RFTN1: variants seen among roughly 807,000 people sequenced by gnomAD.
RFTN1 encodes the protein raftlin.
In RFTN1, 26 loss-of-function variants were observed where a neutral mutation model predicts 46.5. That is an observed-to-expected ratio of 0.56 (90% CI 0.41 to 0.78). RFTN1 has a LOEUF of 0.78. RFTN1 is among the 30% of genes least tolerant of loss of function. RFTN1 has a pLI of 0.00. For missense variants in RFTN1, 693 were observed against 718.7 expected (o/e 0.96, Z 0.41); for synonymous variants, 261 against 284.2 (o/e 0.92, Z 0.82).
In RFTN1 at chr3:16,383,571, T is replaced by G. The variant is rs2074065012; in HGVS notation, c.442-5469A>C. ...ATTTTTATTAAAAATAATATGACAT[T>G]AGATTTCTAGGATGGATTGTCTGTT... On this transcript the variant is annotated intron_variant, in intron 4 of 9. Coordinates refer to ENST00000334133, the MANE Select transcript of RFTN1 (RefSeq NM_015150.2). This position sits in a 1 kb window ranked among gnomAD's most constrained non-coding sequence, Gnocchi z 4.0. Among the ~76,000 whole-genome samples, 1 of 152,250 alleles carries G rather than the reference T, an allele frequency of 6.6e-6. No homozygotes were observed. Among genetic ancestry groups the G allele is most frequent in the Non-Finnish European group, 1.5e-5 (1 of 68,052 alleles).
chr3:16,383,651 T>A lies in RFTN1; in HGVS notation c.442-5549A>T, dbSNP rs1313820539. ...AATGATAAGTGCGATATATACTCTA[T>A]GTGCATGCGAATATACGTATTTGTG... is the stretch of plus-strand genomic sequence containing the variant. On this transcript the variant is annotated intron_variant, in intron 4 of 9. Coordinates refer to ENST00000334133, the MANE Select transcript of RFTN1 (RefSeq NM_015150.2). The surrounding 1 kb of genome is among the most constrained non-coding windows in gnomAD (Gnocchi z 4.0). Among the ~76,000 whole-genome samples, 1 of 152,236 alleles carries A rather than the reference T, an allele frequency of 6.6e-6. No homozygotes were observed. Among genetic ancestry groups the A allele is most frequent in the Non-Finnish European group, 1.5e-5 (1 of 68,048 alleles).
chr3:16,324,035 C>T (rs892415098), intron 8 of RFTN1, among the ~76,000 whole-genome samples: 1 of 152,194 alleles, frequency 6.6e-6, no homozygotes, highest in African/African-American at 2.4e-5. Flanking sequence ...ACAGTGAATT[C>T]TCTCTTCCCA....
chr3:16,411,962 C>G (rs529947438), intron 3 of RFTN1, among the ~76,000 whole-genome samples: 1 of 152,188 alleles, frequency 6.6e-6, no homozygotes, highest in Non-Finnish European at 1.5e-5. Context: ...CAGATCGATT[C>G]TAGGGAATAA....
rs1388865010 is a variant in RFTN1, at chr3:16,450,062, C to T, written c.146-16025G>A. 2.6e-5 allele frequency among the ~76,000 whole-genome samples: 4 copies of T among 152,302 alleles called. No individual in the cohort carries two copies. The highest frequency in any genetic ancestry group is 6.5e-5 in the Admixed American group (1 of 15,294). ...GCAAAGGCAGAAGACATGTCACCCCCATCCTGACCACTCTCCATGCCTGTC... is the reference window on the plus strand; with the variant it reads ...GCAAAGGCAGAAGACATGTCACCCCTATCCTGACCACTCTCCATGCCTGTC... On this transcript the variant is annotated intron_variant, in intron 2 of 9. Coordinates refer to ENST00000334133, the MANE Select transcript of RFTN1 (RefSeq NM_015150.2). This position sits in a 1 kb window ranked among gnomAD's most constrained non-coding sequence, Gnocchi z 4.6.
chr3:16,383,867 A>C lies in RFTN1; in HGVS notation c.442-5765T>G, dbSNP rs1435009899. On this transcript the variant is annotated intron_variant, in intron 4 of 9. Transcript: ENST00000334133. This position sits in a 1 kb window ranked among gnomAD's most constrained non-coding sequence, Gnocchi z 4.0. ...TGGGTAAAGAGTCAGAGACACTTCC[A>C]AGACTGTTTTGTCTGACTCTAAGGA... Among the ~76,000 whole-genome samples, 2 of 152,210 alleles carry C rather than the reference A, an allele frequency of 1.3e-5. No homozygotes were observed. The highest frequency in any genetic ancestry group is 4.8e-5 in the African/African-American group (2 of 41,458).
rs1469665663 is a variant in RFTN1, at chr3:16,317,522, A to G, written c.1333-290T>C. ...CTGGCTCTATACCAAAGGCCCACAT[A>G]GGAAAGGGCTCCTAAAGTCCTATCA... On this transcript the variant is annotated intron_variant, in intron 9 of 9. Coordinates refer to ENST00000334133, the MANE Select transcript of RFTN1 (RefSeq NM_015150.2). This position sits in a 1 kb window ranked among gnomAD's most constrained non-coding sequence, Gnocchi z 4.3. 2.6e-5 allele frequency among the ~76,000 whole-genome samples: 4 copies of G among 152,178 alleles called. No homozygotes were observed.
rs1033313721 is a variant in RFTN1 at position 16,336,090 on chromosome 3, G to C, written c.1147-9214C>G. ...TGGAGATCTAGAGGCAGGGTGGACAGGAATGCCAAGACAGAAAGAAGGGCC... is the reference window on the plus strand; with the variant it reads ...TGGAGATCTAGAGGCAGGGTGGACACGAATGCCAAGACAGAAAGAAGGGCC... On this transcript the variant is annotated intron_variant, in intron 7 of 9. Coordinates refer to ENST00000334133, the MANE Select transcript of RFTN1 (RefSeq NM_015150.2). The surrounding 1 kb of genome is among the most constrained non-coding windows in gnomAD (Gnocchi z 6.0). Among the ~76,000 whole-genome samples the C allele has an allele frequency of 6.6e-6, 1 of 152,116 alleles. No homozygotes were observed. The highest frequency in any genetic ancestry group is 1.5e-5 in the Non-Finnish European group (1 of 68,012).
chr3:16,405,617 T>C (rs1325206597), intron 4 of RFTN1, among the ~76,000 whole-genome samples: 2 of 152,214 alleles, frequency 1.3e-5, no homozygotes, highest in Non-Finnish European at 2.9e-5. Context: ...GACTTTACTT[T>C]TCCTAATTGT....
At position 16,418,872 on chromosome 3, in the gene RFTN1, A is replaced by ACTGCCCTCAAGTCTAGATC. The variant is rs957894795; in HGVS notation, c.333-9408_333-9390dup. On this transcript the variant is annotated intron_variant, in intron 3 of 9. Transcript: ENST00000334133. This position sits in a 1 kb window ranked among gnomAD's most constrained non-coding sequence, Gnocchi z 5.0. Reference sequence around the variant, plus strand: ...TGACCACATATGAGGGATTGAAGGCACTGCCCTCAAGTCTAGATCCTGCCC... The same window carrying ACTGCCCTCAAGTCTAGATC: ...TGACCACATATGAGGGATTGAAGGCACTGCCCTCAAGTCTAGATCCTGCCCTCAAGTCTAGATCCTGCCC... Among the ~76,000 whole-genome samples, 1 of 152,184 alleles carries ACTGCCCTCAAGTCTAGATC rather than the reference A, an allele frequency of 6.6e-6. No homozygotes were observed. Among genetic ancestry groups the ACTGCCCTCAAGTCTAGATC allele is most frequent in the African/African-American group, 2.4e-5 (1 of 41,436 alleles).
rs1054574478 is a variant in RFTN1, at chr3:16,433,113, T to G, written c.332+738A>C. 6.6e-6 allele frequency among the ~76,000 whole-genome samples: 1 copy of G among 152,120 alleles called. No homozygotes were observed. Among genetic ancestry groups the G allele is most frequent in the African/African-American group, 2.4e-5 (1 of 41,432 alleles). On this transcript the variant is annotated intron_variant, in intron 3 of 9. Coordinates refer to ENST00000334133, the MANE Select transcript of RFTN1 (RefSeq NM_015150.2). The surrounding 1 kb of genome is among the most constrained non-coding windows in gnomAD (Gnocchi z 4.4). ...CTGATTTCCTTTCCCAGACTTCATT[T>G]TAATTTTTATTTTTATGAAAGCAGG...
Position 16,407,498 on chromosome 3 carries a change from C to T in RFTN1, c.441+1877G>A, listed in dbSNP as rs1476259644. On this transcript the variant is annotated intron_variant, in intron 4 of 9. Transcript: ENST00000334133. This position sits in a 1 kb window ranked among gnomAD's most constrained non-coding sequence, Gnocchi z 4.0. ...TGAGCCACTGTGCCCAGCCTCAAATCACATGTTTTTAAAAAGCATATTTGA... is the reference window on the plus strand; with the variant it reads ...TGAGCCACTGTGCCCAGCCTCAAATTACATGTTTTTAAAAAGCATATTTGA... 6.6e-6 allele frequency among the ~76,000 whole-genome samples: 1 copy of T among 152,132 alleles called. No individual in the cohort carries two copies. The highest frequency in any genetic ancestry group is 1.5e-5 in the Non-Finnish European group (1 of 68,026).
Position 16,336,714 on chromosome 3 carries a change from G to A in RFTN1, c.1147-9838C>T, listed in dbSNP as rs562795451. ...TCTTAGATGCAGAAAAGGGTCAGAG[G>A]AAAATACATGTAGTGCATAAAAAGC... On this transcript the variant is annotated intron_variant, in intron 7 of 9. Transcript: ENST00000334133. The surrounding 1 kb of genome is among the most constrained non-coding windows in gnomAD (Gnocchi z 6.0). Among the ~76,000 whole-genome samples the A allele has an allele frequency of 6.6e-6, 1 of 152,038 alleles. No individual in the cohort carries two copies. Among genetic ancestry groups the A allele is most frequent in the East Asian group, 1.9e-4 (1 of 5,178 alleles).
In RFTN1 at chr3:16,465,311, T is replaced by C. The variant is rs1433784813; in HGVS notation, c.145+28414A>G. Among the ~76,000 whole-genome samples the C allele has an allele frequency of 6.6e-6, 1 of 152,004 alleles. No homozygotes were observed. The highest frequency in any genetic ancestry group is 1.5e-5 in the Non-Finnish European group (1 of 68,028). On this transcript the variant is annotated intron_variant, in intron 2 of 9. Coordinates refer to ENST00000334133, the MANE Select transcript of RFTN1 (RefSeq NM_015150.2). The surrounding 1 kb of genome is among the most constrained non-coding windows in gnomAD (Gnocchi z 5.1). ...TAAGGAAGAAAAATGAGAAGTATCCTGAAGAATGTGTTCAATTTTTATCCA... is the reference window on the plus strand; with the variant it reads ...TAAGGAAGAAAAATGAGAAGTATCCCGAAGAATGTGTTCAATTTTTATCCA...
chr3:16,431,211 T>C (rs1196597694), intron 3 of RFTN1, among the ~76,000 whole-genome samples: 1 of 152,224 alleles, frequency 6.6e-6, no homozygotes, highest in Non-Finnish European at 1.5e-5. Context: ...TTCTGTGTTC[T>C]TTCTTACCTA....
rs1200300664 is a variant in RFTN1 at position 16,335,938 on chromosome 3, C to T, written c.1147-9062G>A. On this transcript the variant is annotated intron_variant, in intron 7 of 9. Coordinates refer to ENST00000334133, the MANE Select transcript of RFTN1 (RefSeq NM_015150.2). The surrounding 1 kb of genome is among the most constrained non-coding windows in gnomAD (Gnocchi z 4.7). ...GGCCGACAGCAAGGACTGGTGGCAG[C>T]TGCTAGTGCAGAGGAGGCAGAGCAT... 2.0e-5 allele frequency among the ~76,000 whole-genome samples: 3 copies of T among 152,250 alleles called. No homozygotes were observed. Among genetic ancestry groups the T allele is most frequent in the African/African-American group, 7.2e-5 (3 of 41,470 alleles).
At chr3:16,482,796 C>A in intron 2 of RFTN1, 1 of 1,536,162 alleles carries the variant, frequency 6.5e-7, no homozygotes, top group Non-Finnish European at 8.7e-7. Flanking sequence ...CTGCAGGGAT[C>A]CCCAGAGAGG....
chr3:16,453,794 A>G (rs1183146976), intron 2 of RFTN1, among the ~76,000 whole-genome samples: 4 of 152,264 alleles, frequency 2.6e-5, no homozygotes, highest in Non-Finnish European at 4.4e-5. Context: ...GGTATGATAC[A>G]AGAAAATAAA....
intron 2 of RFTN1, among the ~76,000 whole-genome samples, chr3:16,464,163 G>A (rs1290053794): frequency 1.1e-4 from 16 of 152,154 alleles, no homozygotes; most frequent in African/African-American, 3.9e-4. Flanking sequence ...TGCATTTCTG[G>A]CTCCTCAAGC....
Position 16,503,534 on chromosome 3 carries a change from T to C in RFTN1, c.-8-9657A>G, listed in dbSNP as rs532501171. ...CAGCCAGGGTTGAGCATCAGTGCTC[T>C]AGGAGCAAACCCAGTCTTTTCCCAC... On this transcript the variant is annotated intron_variant, in intron 1 of 9. Coordinates refer to ENST00000334133, the MANE Select transcript of RFTN1 (RefSeq NM_015150.2). Among the ~76,000 whole-genome samples the C allele has an allele frequency of 2.0e-5, 3 of 152,284 alleles. No individual in the cohort carries two copies. The East Asian group carries it at 5.8e-4, about 29-fold the overall frequency.
Sources: gnomAD v4.1 joint callset for allele counts (sites outside exome capture counted in the v4.1 genomes callset) on GRCh38, gnomAD v4.1.1 for gene constraint, Gnocchi (gnomAD v3.1) non-coding constraint, MANE v1.5 for transcripts, NCBI Gene and HGNC (gene_info 2026-07-23, HGNC 2026-07-21) for gene names.